PRR32: variants seen among roughly 807,000 people sequenced by gnomAD.
PRR32 encodes proline rich 32.
A neutral mutation model predicts 1.3 loss-of-function variants in PRR32; 2 were observed. That is an observed-to-expected ratio of 1.49 (90% CI 0.61 to 4.68). The LOEUF is 4.68. Among genes scored for constraint, PRR32 ranks in the 30% most tolerant of loss-of-function variants. PRR32 has a pLI of 0.06. For synonymous variants in PRR32, 107 were observed against 88.7 expected (o/e 1.21, Z -1.16); for missense variants, 241 against 232.5 (o/e 1.04, Z -0.24).
rs143596619 is a variant in PRR32, at chrX:126,821,225, C to T, written c.587C>T (p.Pro196Leu). Residue 196 changes from proline (P) to leucine (L), a missense_variant, in exon 2 of 2, where the codon CCG (proline) becomes CTG (leucine). Physicochemically the swap from Pro to Leu is moderately conservative, Grantham distance 98. Coordinates refer to ENST00000371125, the MANE Select transcript of PRR32 (RefSeq NM_001122716.2). ...AGATCAGGGATAGTAATGGAGGTGC[C>T]GCCCGGAAATACACGAATAGCCTGC... Reference protein sequence around the residue: ...TLRSGIVMEVPPGNTRIACRG... With the variant: ...TLRSGIVMEVLPGNTRIACRG... 4,479 of 1,166,097 alleles carry T rather than the reference C, an allele frequency of 3.8e-3. 80 individuals are homozygous for T. In the African/African-American group the frequency reaches 0.065, roughly 17 times the overall value.
Position 126,821,169 on chromosome X carries a change from A to G in PRR32, c.531A>G (p.Gln177=). ...GKGFFPPRGP[Q]VRGPSHIPTL... is the part of the protein sequence containing the mutation. ...GGTTCTTTCCACCCAGGGGCCCACA[A>G]GTGAGAGGCCCTTCACATATTCCCA... Residue 177 remains glutamine, a synonymous_variant, in exon 2 of 2, where the codon CAA becomes CAG. Transcript: ENST00000371125. 4 of 1,167,893 alleles carry G rather than the reference A, an allele frequency of 3.4e-6. No homozygotes were observed. The highest frequency in any genetic ancestry group is 4.6e-6 in the Non-Finnish European group (4 of 873,000).
chrX:126,821,786 A>G lies in PRR32; in HGVS notation c.*251A>G. 5.7e-6 allele frequency: 2 copies of G among 349,788 alleles called. No individual in the cohort carries two copies. Among genetic ancestry groups the G allele is most frequent in the Admixed American group, 1.0e-4 (2 of 19,767 alleles). The allele number at this position is 349,788 out of a possible 1,213,427, so 28.8% of individuals were successfully genotyped here. A position where few individuals can be genotyped will look rare whatever the true frequency, so the allele number is the denominator to read the frequency against. On this transcript the variant is annotated 3_prime_UTR_variant, in exon 2 of 2. Coordinates refer to ENST00000371125, the MANE Select transcript of PRR32 (RefSeq NM_001122716.2). ...TTAAATAAAGATTGTGAAGTCTGAA[A>G]TGCTGTAAATTATTTTTCAAAATGA...
In PRR32 at chrX:126,820,900, G is replaced by A. The variant is rs955438744; in HGVS notation, c.262G>A (p.Ala88Thr). 6 of 1,166,035 alleles carry A rather than the reference G, an allele frequency of 5.1e-6. No individual in the cohort carries two copies. The highest frequency in any genetic ancestry group is 3.3e-5 in the East Asian group (1 of 30,641). ...GSCIPLHSLR[A>T]HRHPYGPPPA... ...CTGCATTCCTCTTCATAGCTTGAGA[G>A]CTCATAGACACCCCTACGGGCCACC... The change falls in exon 2 of 2, where the codon GCT becomes ACT. Residue 88 changes from alanine (A) to threonine (T), a missense_variant. Physicochemically the swap from Ala to Thr is moderately conservative, Grantham distance 58. Coordinates refer to ENST00000371125, the MANE Select transcript of PRR32 (RefSeq NM_001122716.2).
rs975066686 is a variant in PRR32 at position 126,820,931 on chromosome X, C to T, written c.293C>T (p.Ala98Val). Residue 98 changes from alanine (A) to valine (V), a missense_variant, in exon 2 of 2, where the codon GCT (alanine) becomes GTT (valine). Coordinates refer to ENST00000371125, the MANE Select transcript of PRR32 (RefSeq NM_001122716.2). ...AHRHPYGPPP[A>V]VAEESLATAE... The stretch of plus-strand genomic sequence containing the variant: ...AGACACCCCTACGGGCCACCACCTG[C>T]TGTTGCAGAAGAGTCCCTAGCAACA... The T allele has an allele frequency of 8.6e-7, 1 of 1,167,834 alleles. No individual in the cohort carries two copies.
chrX:126,819,995 G>T, intron 1 of PRR32, 132 bp downstream of exon 1: 4 of 606,258 alleles, frequency 6.6e-6, no homozygotes, highest in Non-Finnish European at 1.0e-5. Context: ...AAAACTTGAA[G>T]GACATAAATT....
At position 126,821,205 on chromosome X, in the gene PRR32, A is replaced by G; in HGVS notation, c.567A>G (p.Ser189=). 8.6e-7 allele frequency: 1 copy of G among 1,167,865 alleles called. No homozygotes were observed. Among genetic ancestry groups the G allele is most frequent in the Admixed American group, 2.6e-5 (1 of 38,772 alleles). ...CTTCACATATTCCCACCCTTAGATC[A>G]GGGATAGTAATGGAGGTGCCGCCCG... ...RGPSHIPTLR[S]GIVMEVPPGN... The change falls in exon 2 of 2, where the codon TCA becomes TCG. Residue 189 remains serine (S), a synonymous_variant. Transcript: ENST00000371125.
At position 126,820,669 on chromosome X, in the gene PRR32, C is replaced by A; in HGVS notation, c.31C>A (p.His11Asn). The change falls in exon 2 of 2, where the codon CAC becomes AAC. Residue 11 changes from histidine to asparagine, a missense_variant. Coordinates refer to ENST00000371125, the MANE Select transcript of PRR32 (RefSeq NM_001122716.2). The part of the protein sequence containing the change: MACIENVLGG[H>N]APSPLVVSVD... ...TTCTGTTTTTGCAAGCCTTGGAGGG[C>A]ACGCCCCTTCACCCTTGGTAGTATC... 8.6e-7 allele frequency: 1 copy of A among 1,165,927 alleles called. No homozygotes were observed. The highest frequency in any genetic ancestry group is 1.1e-6 in the Non-Finnish European group (1 of 872,042).
At position 126,821,601 on chromosome X, in the gene PRR32, T is replaced by C. The variant is rs931601599; in HGVS notation, c.*66T>C. Reference sequence around the variant, plus strand: ...TGAAAGTTATTCATTTATGCTTTTATATTTGAAACCTTGTACCCTCCCACA... The same window carrying C: ...TGAAAGTTATTCATTTATGCTTTTACATTTGAAACCTTGTACCCTCCCACA... On this transcript the variant is annotated 3_prime_UTR_variant, in exon 2 of 2. Coordinates refer to ENST00000371125, the MANE Select transcript of PRR32 (RefSeq NM_001122716.2). 10 of 1,116,723 alleles carry C rather than the reference T, an allele frequency of 9.0e-6. No individual in the cohort carries two copies. Among genetic ancestry groups the C allele is most frequent in the Non-Finnish European group, 8.3e-6 (7 of 848,470 alleles). The allele number at this position is 1,116,723 out of a possible 1,213,427, so 92.0% of individuals were successfully genotyped here. A position where few individuals can be genotyped will look rare whatever the true frequency, so the allele number is the denominator to read the frequency against.
chrX:126,820,927 C>A lies in PRR32; in HGVS notation c.289C>A (p.Pro97Thr). The change falls in exon 2 of 2, where the codon CCT (proline) becomes ACT (threonine). Residue 97 changes from proline to threonine, a missense_variant. By Grantham distance (38) the Pro-to-Thr change is conservative. Coordinates refer to ENST00000371125, the MANE Select transcript of PRR32 (RefSeq NM_001122716.2). ...RAHRHPYGPP[P>T]AVAEESLATA... The stretch of plus-strand genomic sequence containing the variant: ...TCATAGACACCCCTACGGGCCACCA[C>A]CTGCTGTTGCAGAAGAGTCCCTAGC... The A allele has an allele frequency of 8.6e-7, 1 of 1,167,753 alleles. No individual in the cohort carries two copies.
chrX:126,821,127 T>G lies in PRR32; in HGVS notation c.489T>G (p.Ala163=). Residue 163 remains alanine, a synonymous_variant, in exon 2 of 2, where the codon GCT becomes GCG. Transcript: ENST00000371125. ...RGSNNARLHV[A]LPQGKGFFPP... The stretch of plus-strand genomic sequence containing the variant: ...GTAATAACGCAAGGTTGCATGTAGC[T>G]TTGCCACAAGGTAAAGGGTTCTTTC... 8.6e-7 allele frequency: 1 copy of G among 1,167,712 alleles called. No individual in the cohort carries two copies. The highest frequency in any genetic ancestry group is 1.1e-6 in the Non-Finnish European group (1 of 872,968).
At chrX:126,820,638 T>C (rs2147298116) in intron 1 of PRR32, 21 bp from the exon 2 acceptor site, 1 of 1,153,901 alleles carries the variant, frequency 8.7e-7, no homozygotes, top group East Asian at 3.3e-5. Context: ...TTATTAGCTG[T>C]TTGATTTCTG....
rs1602656849 is a variant in PRR32, at chrX:126,821,503, G to C, written c.865G>C (p.Ala289Pro). The C allele has an allele frequency of 8.6e-7, 1 of 1,167,089 alleles. No individual in the cohort carries two copies. Among genetic ancestry groups the C allele is most frequent in the East Asian group, 3.3e-5 (1 of 30,762 alleles). Reference sequence around the variant, plus strand: ...CCATTTCCATTCTGGGGGAATGCCAGCTCCTGCATCACCCAACAGAGAGCA... The same window carrying C: ...CCATTTCCATTCTGGGGGAATGCCACCTCCTGCATCACCCAACAGAGAGCA... ...FAHFHSGGMP[A>P]PASPNREHS The change falls in exon 2 of 2, where the codon GCT becomes CCT. Residue 289 changes from alanine (A) to proline (P), a missense_variant. Transcript: ENST00000371125.
Position 126,819,778 on chromosome X carries a change from C to T in PRR32, c.-66C>T. On this transcript the variant is annotated 5_prime_UTR_variant, in exon 1 of 2. Coordinates refer to ENST00000371125, the MANE Select transcript of PRR32 (RefSeq NM_001122716.2). ...CAGAAGCAGGAGTCATTTCTCCAGA[C>T]CTAGCTGGCCTGTTCAGTGGGTTAT... 2 of 1,061,138 alleles carry T rather than the reference C, an allele frequency of 1.9e-6. No individual in the cohort carries two copies. Among genetic ancestry groups the T allele is most frequent in the Non-Finnish European group, 2.5e-6 (2 of 787,501 alleles). The allele number at this position is 1,061,138 out of a possible 1,213,427, so 87.4% of individuals were successfully genotyped here.
rs773638362 is a variant in PRR32 at position 126,820,927 on chromosome X, C to T, written c.289C>T (p.Pro97Ser). Residue 97 changes from proline to serine, a missense_variant, in exon 2 of 2, where the codon CCT (proline) becomes TCT (serine). Pro to Ser is a moderately conservative substitution (Grantham distance 74). Transcript: ENST00000371125. Reference sequence around the variant, plus strand: ...TCATAGACACCCCTACGGGCCACCACCTGCTGTTGCAGAAGAGTCCCTAGC... The same window carrying T: ...TCATAGACACCCCTACGGGCCACCATCTGCTGTTGCAGAAGAGTCCCTAGC... ...RAHRHPYGPP[P>S]AVAEESLATA... The T allele has an allele frequency of 2.0e-4, 231 of 1,165,928 alleles. No individual in the cohort carries two copies. Among genetic ancestry groups the T allele is most frequent in the Non-Finnish European group, 2.4e-4 (211 of 872,650 alleles).
chrX:126,821,135 A>G lies in PRR32; in HGVS notation c.497A>G (p.Gln166Arg), dbSNP rs779904636. 2 of 1,167,809 alleles carry G rather than the reference A, an allele frequency of 1.7e-6. No homozygotes were observed. Among genetic ancestry groups the G allele is most frequent in the Non-Finnish European group, 2.3e-6 (2 of 872,981 alleles). ...GCAAGGTTGCATGTAGCTTTGCCAC[A>G]AGGTAAAGGGTTCTTTCCACCCAGG... ...NNARLHVALPQGKGFFPPRGP... is the reference protein window; with the variant it reads ...NNARLHVALPRGKGFFPPRGP... The change falls in exon 2 of 2, where the codon CAA (glutamine) becomes CGA (arginine). Residue 166 changes from glutamine (Q) to arginine (R), a missense_variant. Coordinates refer to ENST00000371125, the MANE Select transcript of PRR32 (RefSeq NM_001122716.2).
rs1930541742 is a variant in PRR32 at position 126,820,778 on chromosome X, C to T, written c.140C>T (p.Pro47Leu). ...TCCAAGCCAGAGGATGACGCAGAGC[C>T]CTGGGGTCAACCTCAAGTACCGCTG... is the stretch of plus-strand genomic sequence containing the variant. The part of the protein sequence containing the change: ...LSSKPEDDAE[P>L]WGQPQVPLRP... The change falls in exon 2 of 2, where the codon CCC (proline) becomes CTC (leucine). Residue 47 changes from proline (P) to leucine (L), a missense_variant. Coordinates refer to ENST00000371125, the MANE Select transcript of PRR32 (RefSeq NM_001122716.2). The T allele has an allele frequency of 8.6e-7, 1 of 1,167,754 alleles. No homozygotes were observed. Among genetic ancestry groups the T allele is most frequent in the Non-Finnish European group, 1.1e-6 (1 of 872,993 alleles).
chrX:126,821,647 C>A lies in PRR32; in HGVS notation c.*112C>A, dbSNP rs1479375762. 1.1e-5 allele frequency: 11 copies of A among 998,704 alleles called. No individual in the cohort carries two copies. The highest frequency in any genetic ancestry group is 1.5e-5 in the Non-Finnish European group (11 of 756,491). The allele number at this position is 998,704 out of a possible 1,213,427, so 82.3% of individuals were successfully genotyped here. ...CCACACTCTGTTTAGCACTAATGTG[C>A]CCTACTTGAAACCACGTACCCTCCC... On this transcript the variant is annotated 3_prime_UTR_variant, in exon 2 of 2. Coordinates refer to ENST00000371125, the MANE Select transcript of PRR32 (RefSeq NM_001122716.2).
intron 1 of PRR32, 150 bp from the exon 2 acceptor site, chrX:126,820,509 C>T (rs911836369): frequency 3.1e-5 from 21 of 683,758 alleles, no homozygotes; most frequent in Admixed American, 1.6e-4. Context: ...GGGGCCAGAG[C>T]GCTGAGCAAG....
Position 126,821,002 on chromosome X carries a change from G to A in PRR32, c.364G>A (p.Gly122Arg). 8.6e-7 allele frequency: 1 copy of A among 1,163,697 alleles called. No homozygotes were observed. Among genetic ancestry groups the A allele is most frequent in the African/African-American group, 1.8e-5 (1 of 56,230 alleles). The change falls in exon 2 of 2, where the codon GGA becomes AGA. Residue 122 changes from glycine (G) to arginine (R), a missense_variant. By Grantham distance (125) the Gly-to-Arg change is moderately radical (BLOSUM62 -2). Coordinates refer to ENST00000371125, the MANE Select transcript of PRR32 (RefSeq NM_001122716.2). Reference protein sequence around the residue: ...SDALAGWRQEGQDAINVSWEV... With the variant: ...SDALAGWRQERQDAINVSWEV... ...TGCACTGGCAGGCTGGAGGCAGGAG[G>A]GACAGGATGCTATTAATGTGTCCTG...
Sources: allele counts gnomAD v4.1 joint callset, GRCh38; gene constraint gnomAD v4.1.1; transcripts MANE v1.5; gene names NCBI Gene and HGNC (gene_info 2026-07-23, HGNC 2026-07-21).